The following POU6F2 variants were observed in gnomAD, a reference collection of about 807,000 sequenced individuals.
The protein encoded by POU6F2 is POU domain, class 6, transcription factor 2.
Under a neutral mutation model 71.3 loss-of-function variants are expected in POU6F2, and 31 were observed. The observed-to-expected ratio is 0.43, with a 90% CI of 0.33 to 0.59. The LOEUF (loss-of-function observed/expected upper bound fraction) is 0.59. Ranked by LOEUF, POU6F2 falls within the 20% of genes least tolerant of loss-of-function variation. The pLI, the probability that POU6F2 is intolerant of heterozygous loss-of-function variation, is 0.04. For synonymous variants in POU6F2, 347 were observed against 355.7 expected (o/e 0.98, Z 0.27); for missense variants, 783 against 856.8 (o/e 0.91, Z 1.07).
At chr7:39,256,074 G>A (rs79184302) in intron 4 of POU6F2, among the ~76,000 whole-genome samples, 7,180 of 152,050 alleles carry the variant, frequency 0.047, 248 homozygotes, top group East Asian at 0.13. Context: ...TGCCTTTCCC[G>A]GGTACATTCC....
chr7:39,095,985 T>G (rs1212358746), intron 2 of POU6F2, among the ~76,000 whole-genome samples: 2 of 152,196 alleles, frequency 1.3e-5, no homozygotes, highest in Non-Finnish European at 2.9e-5. Context: ...CAGAACTGAT[T>G]GTTGCTCTTT....
intron 1 of POU6F2, among the ~76,000 whole-genome samples, chr7:39,023,413 G>C (rs1054470659): frequency 3.3e-5 from 5 of 151,988 alleles, no homozygotes; most frequent in African/African-American, 1.2e-4. Context: ...CATTCCCTCA[G>C]TGAACATGTG....
At chr7:39,357,797 G>T (rs908299721) in intron 5 of POU6F2, among the ~76,000 whole-genome samples, 2 of 152,194 alleles carry the variant, frequency 1.3e-5, no homozygotes, top group African/African-American at 4.8e-5. Context: ...AGGTTTGCAG[G>T]TGGCACGGAG....
At chr7:39,050,122 T>G (rs1439857549) in intron 1 of POU6F2, among the ~76,000 whole-genome samples, 1 of 152,066 alleles carries the variant, frequency 6.6e-6, no homozygotes, top group African/African-American at 2.4e-5. Context: ...TTGGACTAAA[T>G]TTTTGAAGTT....
At chr7:39,288,290 C>T (rs1040678485) in intron 4 of POU6F2, among the ~76,000 whole-genome samples, 2 of 152,102 alleles carry the variant, frequency 1.3e-5, no homozygotes, top group Admixed American at 1.3e-4. Flanking sequence ...GTTCAAAGCC[C>T]ACCTCTGCCC....
chr7:39,250,187 C>G (rs1424839883), intron 4 of POU6F2, among the ~76,000 whole-genome samples: 1 of 152,202 alleles, frequency 6.6e-6, no homozygotes, highest in Non-Finnish European at 1.5e-5. Context: ...CACACCCACT[C>G]ACTTGCACGC....
chr7:39,019,059 A>G (rs536030653), intron 1 of POU6F2, among the ~76,000 whole-genome samples: 2 of 152,172 alleles, frequency 1.3e-5, no homozygotes, highest in East Asian at 1.9e-4. Flanking sequence ...TAAACCTTAT[A>G]TTTTCCTCAT....
chr7:39,016,192 T>C (rs1203908793), intron 1 of POU6F2, among the ~76,000 whole-genome samples: 1 of 138,972 alleles, frequency 7.2e-6, no homozygotes, highest in Non-Finnish European at 1.5e-5. Context: ...ATATCTATAT[T>C]ATATATAGAT....
intron 2 of POU6F2, among the ~76,000 whole-genome samples, chr7:39,102,568 A>C (rs1791596147): frequency 2.0e-5 from 3 of 152,154 alleles, no homozygotes; most frequent in African/African-American, 7.2e-5. Flanking sequence ...CTGAATATTA[A>C]GGGAAAATAG....
intron 2 of POU6F2, among the ~76,000 whole-genome samples, chr7:39,106,160 G>A (rs2128724623): frequency 6.6e-6 from 1 of 152,316 alleles, no homozygotes; most frequent in East Asian, 1.9e-4. Context: ...TGTTTATAGT[G>A]ATGATGATAA....
intron 4 of POU6F2, among the ~76,000 whole-genome samples, chr7:39,267,021 A>G (rs1355060793): frequency 2.0e-5 from 3 of 152,170 alleles, no homozygotes; most frequent in African/African-American, 7.2e-5. Context: ...TGAAGATTCT[A>G]TATTTTGTAA....
intron 2 of POU6F2, among the ~76,000 whole-genome samples, chr7:39,201,942 G>C (rs1042240842): frequency 6.6e-6 from 1 of 152,130 alleles, no homozygotes; most frequent in African/African-American, 2.4e-5. Flanking sequence ...GGGAAAATGG[G>C]GATGCACACT....
intron 8 of POU6F2, among the ~76,000 whole-genome samples, chr7:39,454,702 A>C (rs1348784109): frequency 1.4e-5 from 1 of 72,276 alleles, no homozygotes; most frequent in African/African-American, 4.5e-5. Context: ...ATATATATAT[A>C]TATATATATA....
chr7:39,439,101 CAT>C (rs1410274638), intron 7 of POU6F2, among the ~76,000 whole-genome samples: 3 of 152,024 alleles, frequency 2.0e-5, no homozygotes, highest in African/African-American at 7.2e-5. Context: ...TTCCCTTTAC[CAT>C]TACATAATCC....
chr7:39,208,600 C>G (rs951701747), intron 4 of POU6F2, among the ~76,000 whole-genome samples: 2 of 152,162 alleles, frequency 1.3e-5, no homozygotes, highest in African/African-American at 4.8e-5. Flanking sequence ...ACTCTTGACC[C>G]AAACTTCTTT....
rs919717433 is a variant in POU6F2 at position 39,027,090 on chromosome 7, A to G, written c.105+49032A>G. 9.8e-5 allele frequency among the ~76,000 whole-genome samples: 15 copies of G among 152,304 alleles called. No individual in the cohort carries two copies. The South Asian group carries it at 2.3e-3, about 23-fold the overall frequency. ...AGGTTTTGCTTAGGATTAGTAAAAG[A>G]CATAAGCAATTTTTCCTGACAGCCC... On this transcript the variant is annotated intron_variant, in intron 1 of 9. Coordinates refer to ENST00000518318, the MANE Select transcript of POU6F2 (RefSeq NM_001370959.1).
intron 4 of POU6F2, among the ~76,000 whole-genome samples, chr7:39,243,187 C>T (rs1314367502): frequency 6.6e-6 from 1 of 152,068 alleles, no homozygotes; most frequent in East Asian, 1.9e-4. Context: ...AATAAAATGG[C>T]AGTATTCTTC....
chr7:39,437,128 G>A (rs1474812118), intron 7 of POU6F2, among the ~76,000 whole-genome samples: 3 of 152,110 alleles, frequency 2.0e-5, no homozygotes, highest in African/African-American at 7.2e-5. Context: ...GGATGGTGCT[G>A]GCTTCATAAA....
chr7:39,240,048 G>A (rs1783693098), intron 4 of POU6F2, among the ~76,000 whole-genome samples: 1 of 152,064 alleles, frequency 6.6e-6, no homozygotes, highest in African/African-American at 2.4e-5. Flanking sequence ...TTTCTTTGAA[G>A]GACCAGGAAA....
Sources: allele counts gnomAD v4.1 joint callset (sites outside exome capture counted in the v4.1 genomes callset), GRCh38; gene constraint gnomAD v4.1.1; transcripts MANE v1.5; gene names NCBI Gene and HGNC (gene_info 2026-07-23, HGNC 2026-07-21).